Variants in NRG1 observed in about 807,000 individuals in gnomAD.
NRG1 encodes the protein neuregulin 1, also known as pro-neuregulin-1, membrane-bound isoform.
NRG1 carries 18 observed loss-of-function variants against 63.8 expected under a neutral mutation model. The ratio of observed to expected loss-of-function variants is 0.28; its 90% confidence interval spans 0.19 to 0.42. The LOEUF (loss-of-function observed/expected upper bound fraction) is 0.42. Ranked by LOEUF, NRG1 falls within the 10% of genes least tolerant of loss-of-function variation. The probability of loss-of-function intolerance (pLI) is 1.00; values close to 1 mark genes in which losing one functional copy is unlikely to be tolerated. For missense variants in NRG1, 762 were observed against 814.7 expected, an observed-to-expected ratio of 0.94 and a Z score of 0.79; for synonymous variants, 302 against 301.3, an observed-to-expected ratio of 1.00 and a Z score of -0.02.
chr8:31,813,659 C>T (rs575814551), intron 1 of NRG1, among the ~76,000 whole-genome samples: 7 of 151,786 alleles, frequency 4.6e-5, no homozygotes, highest in African/African-American at 1.7e-4. Context: ...CCCTCACTAT[C>T]TGGGACTACA....
At chr8:31,950,389 A>G (rs1396086180) in intron 1 of NRG1, among the ~76,000 whole-genome samples, 2 of 152,222 alleles carry the variant, frequency 1.3e-5, no homozygotes, top group Non-Finnish European at 2.9e-5. Context: ...GGGAAATTTA[A>G]GGGTGGAGAT....
intron 1 of NRG1, among the ~76,000 whole-genome samples, chr8:32,081,195 A>G (rs1299385211): frequency 2.0e-5 from 3 of 152,282 alleles, no homozygotes; most frequent in African/African-American, 7.2e-5. Context: ...ACTGACCATT[A>G]CAAGTCTAGT....
At chr8:31,944,479 T>C (rs1802237685) in intron 1 of NRG1, among the ~76,000 whole-genome samples, 1 of 152,222 alleles carries the variant, frequency 6.6e-6, no homozygotes, top group African/African-American at 2.4e-5. Flanking sequence ...GCTCTAGCTC[T>C]TAACTTTCCA....
intron 1 of NRG1, among the ~76,000 whole-genome samples, chr8:32,191,587 A>G (rs371019528): frequency 3.0e-4 from 45 of 152,352 alleles, no homozygotes; most frequent in African/African-American, 1.1e-3. Flanking sequence ...TCCTTAGCAG[A>G]ATACAGGCTT....
chr8:32,293,587 G>A (rs1455473182), intron 1 of NRG1, among the ~76,000 whole-genome samples: 2 of 151,916 alleles, frequency 1.3e-5, no homozygotes, highest in African/African-American at 2.4e-5. Context: ...ATTATTTTGA[G>A]AAAATAACAA....
rs1158508289 is a variant in NRG1, at chr8:31,796,414, C to CTTTTTTTTTTTTTTT, written c.37+157005_37+157019dup. Reference sequence around the variant, plus strand: ...ATAACCAAATAAGATGGCGTATAATCTTTTTTTTTTTTTTTTTTTTTTTTT... The same window carrying CTTTTTTTTTTTTTTT: ...ATAACCAAATAAGATGGCGTATAATCTTTTTTTTTTTTTTTTTTTTTTTTTTTTTTTTTTTTTTTT... On this transcript the variant is annotated intron_variant, in intron 1 of 10. Coordinates refer to the NRG1 transcript ENST00000519301. Among the ~76,000 whole-genome samples the CTTTTTTTTTTTTTTT allele has an allele frequency of 6.9e-5, 3 of 43,340 alleles. 1 individual carries two copies. Among genetic ancestry groups the CTTTTTTTTTTTTTTT allele is most frequent in the African/African-American group, 1.8e-4 (2 of 11,192 alleles). The allele number at this position is 43,340 out of a possible 152,430, so 28.4% of individuals were successfully genotyped here. A position where few individuals can be genotyped will look rare whatever the true frequency, so the allele number is the denominator to read the frequency against.
chr8:31,777,375 T>C (rs565326207), intron 1 of NRG1, among the ~76,000 whole-genome samples: 1 of 152,326 alleles, frequency 6.6e-6, no homozygotes, highest in South Asian at 2.1e-4. Flanking sequence ...TTGGACCCAA[T>C]GTAGAGATGA....
In NRG1 at chr8:31,825,028, G is replaced by A. The variant is rs117057380; in HGVS notation, c.37+185597G>A. Among the ~76,000 whole-genome samples, 45 of 152,156 alleles carry A rather than the reference G, an allele frequency of 3.0e-4. No individual in the cohort carries two copies. The South Asian group carries it at 7.5e-3, about 25-fold the overall frequency. On this transcript the variant is annotated intron_variant, in intron 1 of 10. Coordinates refer to the NRG1 transcript ENST00000519301. ...TTGTAGGCATGCAGGTAAAAAAATC[G>A]CCTCATTTGAAAATTAATAACCCAG...
intron 1 of NRG1, among the ~76,000 whole-genome samples, chr8:31,970,073 A>G (rs1447381946): frequency 6.6e-6 from 1 of 152,206 alleles, no homozygotes; most frequent in Non-Finnish European, 1.5e-5. Flanking sequence ...AATTGAATAT[A>G]GTGAGTATAA....
chr8:32,260,532 T>C (rs1257679343), intron 1 of NRG1, among the ~76,000 whole-genome samples: 1 of 152,202 alleles, frequency 6.6e-6, no homozygotes, highest in Non-Finnish European at 1.5e-5. Context: ...TTATCCTTTT[T>C]TAATGCACTA....
intron 1 of NRG1, among the ~76,000 whole-genome samples, chr8:31,674,756 A>C (rs1343144889): frequency 1.3e-5 from 2 of 152,170 alleles, no homozygotes; most frequent in African/African-American, 2.4e-5. Context: ...TAAAGCCTTA[A>C]AGATTACCAA....
At chr8:32,595,187 A>T (rs1039571910) in intron 1 of NRG1, among the ~76,000 whole-genome samples, 4 of 151,078 alleles carry the variant, frequency 2.6e-5, no homozygotes, top group Admixed American at 6.6e-5. Flanking sequence ...TTTATTTTTT[A>T]TTTTTTTTTA....
chr8:32,529,512 T>G (rs1831225404), intron 1 of NRG1, among the ~76,000 whole-genome samples: 1 of 152,244 alleles, frequency 6.6e-6, no homozygotes, highest in Non-Finnish European at 1.5e-5. Flanking sequence ...CTTTTGACTT[T>G]TGTTATACTT....
intron 1 of NRG1, among the ~76,000 whole-genome samples, chr8:32,522,867 G>A (rs1830468520): frequency 6.7e-6 from 1 of 150,214 alleles, no homozygotes; most frequent in Admixed American, 6.6e-5. Context: ...CTGCAGTGGT[G>A]CCATCATAGC....
At chr8:31,749,949 T>C (rs1475896070) in intron 1 of NRG1, among the ~76,000 whole-genome samples, 4 of 151,838 alleles carry the variant, frequency 2.6e-5, no homozygotes, top group Admixed American at 1.3e-4. Flanking sequence ...ACTACATAGA[T>C]GAGTTTTCTG....
At chr8:31,860,505 G>A (rs1407654319) in intron 1 of NRG1, among the ~76,000 whole-genome samples, 1 of 152,104 alleles carries the variant, frequency 6.6e-6, no homozygotes, top group East Asian at 1.9e-4. Flanking sequence ...CATTTAACCA[G>A]GCAACATTTG....
chr8:32,345,885 G>A (rs1804824076), intron 1 of NRG1, among the ~76,000 whole-genome samples: 1 of 151,810 alleles, frequency 6.6e-6, no homozygotes, highest in African/African-American at 2.4e-5. Context: ...GCACGTGCCT[G>A]TAATCCCAGG....
chr8:32,745,350 T>C (rs1827218395), intron 7 of NRG1, among the ~76,000 whole-genome samples: 1 of 152,178 alleles, frequency 6.6e-6, no homozygotes, highest in African/African-American at 2.4e-5. Context: ...CCAAACTGCA[T>C]TTTCAGTTGA....
At chr8:32,705,292 C>T (rs6985766) in intron 5 of NRG1, among the ~76,000 whole-genome samples, 3 of 152,068 alleles carry the variant, frequency 2.0e-5, no homozygotes, top group Non-Finnish European at 4.4e-5. Flanking sequence ...CCACCACACC[C>T]GGGTAATTTT....
Sources: allele counts gnomAD v4.1 joint callset (sites outside exome capture counted in the v4.1 genomes callset), GRCh38; gene constraint gnomAD v4.1.1; transcripts MANE v1.5; gene names NCBI Gene and HGNC (gene_info 2026-07-23, HGNC 2026-07-21).